HGS: variants seen among roughly 807,000 people sequenced by gnomAD.
HGS encodes the protein hepatocyte growth factor-regulated tyrosine kinase substrate.
HGS carries 63 observed loss-of-function variants against 109.7 expected under a neutral mutation model. The ratio of observed to expected loss-of-function variants is 0.57; its 90% CI spans 0.47 to 0.71. The LOEUF (loss-of-function observed/expected upper bound fraction) is 0.71, where lower values mean the gene tolerates loss of function less well. Among genes scored for constraint, HGS ranks in the 30% least tolerant of loss-of-function variants. HGS has a pLI of 0.00. For missense variants in HGS, 995 were observed against 1,068.3 expected, an observed-to-expected ratio of 0.93 and a Z score of 0.96; for synonymous variants, 546 against 437.3, an observed-to-expected ratio of 1.25 and a Z score of -3.10.
chr17:81,701,123 T>C lies in HGS; in HGVS notation c.2215T>C (p.Tyr739His). The C allele has an allele frequency of 6.2e-7, 1 of 1,613,704 alleles. No individual in the cohort carries two copies. Among genetic ancestry groups the C allele is most frequent in the Admixed American group, 1.7e-5 (1 of 60,028 alleles). Residue 739 changes from tyrosine (Y) to histidine (H), a missense_variant, in exon 21 of 22, where the codon TAC becomes CAC. Physicochemically the swap from Tyr to His is moderately conservative, Grantham distance 83. Transcript: ENST00000329138. ...QPYIAGQQPM[Y>H]QQMAPSGGPP... ...CTACATCGCGGGGCAGCAGCCCATGTACCAGCAGGTGAGCCATTCCCGGGG... is the reference window on the plus strand; with the variant it reads ...CTACATCGCGGGGCAGCAGCCCATGCACCAGCAGGTGAGCCATTCCCGGGG...
intron 19 of HGS, 36 bp downstream of exon 19, chr17:81,700,636 AGCC>A: frequency 7.6e-7 from 1 of 1,318,494 alleles, no homozygotes; most frequent in Non-Finnish European, 1.0e-6. Flanking sequence ...TTCCAGGGCC[AGCC>A]CCAGCCCCAG....
In HGS at chr17:81,690,636, G is replaced by A. The variant is rs373230303; in HGVS notation, c.469-38G>A. On this transcript the variant is annotated intron_variant, in intron 6 of 21. Coordinates refer to ENST00000329138, the MANE Select transcript of HGS (RefSeq NM_004712.5). ...GCTCTGTGCCTCTGGGGCTGGTGGGGCGGGAAGCGTGTGGTCCTGACTGCT... is the reference window on the plus strand; with the variant it reads ...GCTCTGTGCCTCTGGGGCTGGTGGGACGGGAAGCGTGTGGTCCTGACTGCT... 31 of 1,591,934 alleles carry A rather than the reference G, an allele frequency of 1.9e-5. No individual in the cohort carries two copies. The African/African-American group carries it at 4.2e-4, about 21-fold the overall frequency.
chr17:81,696,555 C>CG (rs772401017), intron 16 of HGS, 26 bp downstream of exon 16: 1 of 1,546,536 alleles, frequency 6.5e-7, no homozygotes, highest in African/African-American at 1.4e-5. Context: ...AGCCACAGGC[C>CG]GGGGCCGGCT....
chr17:81,685,079 C>T (rs1163564313), intron 1 of HGS: 11 of 985,116 alleles, frequency 1.1e-5, no homozygotes, highest in South Asian at 4.7e-5. Context: ...GGTATGCTGG[C>T]GAGTCCTCCT....
Position 81,693,772 on chromosome 17 carries a change from G to A in HGS, c.840+20G>A, listed in dbSNP as rs201959685. The A allele has an allele frequency of 5.4e-4, 824 of 1,538,704 alleles. 4 individuals carry two copies. The African/African-American group carries it at 0.01, about 19-fold the overall frequency. ...AGGCTGGTAAGCCGGGTGGGGCGGGGCGGCCTCAGGAGGGGCCCAGCTCCC... is the reference window on the plus strand; with the variant it reads ...AGGCTGGTAAGCCGGGTGGGGCGGGACGGCCTCAGGAGGGGCCCAGCTCCC... On this transcript the variant is annotated intron_variant, in intron 10 of 21. Coordinates refer to ENST00000329138, the MANE Select transcript of HGS (RefSeq NM_004712.5).
intron 20 of HGS, 97 bp from the exon 21 acceptor site, chr17:81,700,948 C>T: frequency 6.6e-7 from 1 of 1,520,782 alleles, no homozygotes; most frequent in South Asian, 1.1e-5. Context: ...TCTCTGGGTG[C>T]TCCCTGTGGT....
chr17:81,700,086 G>A (rs1222887083), intron 18 of HGS, among the ~76,000 whole-genome samples: 2 of 139,972 alleles, frequency 1.4e-5, no homozygotes, highest in African/African-American at 5.4e-5. Context: ...GTAAAACTCG[G>A]CCGGGCGCGG....
Position 81,696,016 on chromosome 17 carries a change from CG to C in HGS, c.1393+21del. The C allele has an allele frequency of 6.5e-7, 1 of 1,532,912 alleles. No individual in the cohort carries two copies. The highest frequency in any genetic ancestry group is 8.8e-7 in the Non-Finnish European group (1 of 1,138,576). The allele number at this position is 1,532,912 out of a possible 1,614,324, so 95.0% of individuals were successfully genotyped here. On this transcript the variant is annotated intron_variant, in intron 15 of 21. Coordinates refer to ENST00000329138, the MANE Select transcript of HGS (RefSeq NM_004712.5). ...AGCGCAGGCGTAGGTGCCCGCGCCACGGGGCCTCGGCTCAGGGGCAGCCAGG... is the reference window on the plus strand; with the variant it reads ...AGCGCAGGCGTAGGTGCCCGCGCCACGGGCCTCGGCTCAGGGGCAGCCAGG...
Position 81,695,173 on chromosome 17 carries a change from C to G in HGS, c.1129C>G (p.Pro377Ala). The G allele has an allele frequency of 6.2e-7, 1 of 1,614,228 alleles. No individual in the cohort carries two copies. The highest frequency in any genetic ancestry group is 1.1e-5 in the South Asian group (1 of 91,090). Residue 377 changes from proline to alanine, a missense_variant, in exon 14 of 22, where the codon CCG becomes GCG. Physicochemically the swap from Pro to Ala is conservative, Grantham distance 27. Transcript: ENST00000329138. ...APTNVVENPL[P>A]ETDSQPIPPS... ...ATTCTCTCTCTTCCAGAACCCCCTCCCGGAGACAGACTCTCAGCCCATTCC... is the reference window on the plus strand; with the variant it reads ...ATTCTCTCTCTTCCAGAACCCCCTCGCGGAGACAGACTCTCAGCCCATTCC...
At chr17:81,692,328 A>C (rs940688153) in intron 8 of HGS, 1 of 152,138 alleles carries the variant, frequency 6.6e-6, no homozygotes, top group African/African-American at 2.4e-5. Flanking sequence ...CATTTCTGGG[A>C]GGTCAGGCCG....
rs1403585904 is a variant in HGS, at chr17:81,701,742, G to A, written c.*124G>A. On this transcript the variant is annotated 3_prime_UTR_variant, in exon 22 of 22. Coordinates refer to ENST00000329138, the MANE Select transcript of HGS (RefSeq NM_004712.5). ...GGTAGTGTCCCTTCTCTGCGAGTGAGGGGGGGCCTTCACCCCAAGCCCACC... is the reference window on the plus strand; with the variant it reads ...GGTAGTGTCCCTTCTCTGCGAGTGAAGGGGGGCCTTCACCCCAAGCCCACC... 4 of 1,359,900 alleles carry A rather than the reference G, an allele frequency of 2.9e-6. No individual in the cohort carries two copies. The highest frequency in any genetic ancestry group is 3.9e-6 in the Non-Finnish European group (4 of 1,025,870). 84.2% of individuals were successfully genotyped at this position (1,359,900 alleles called of 1,614,324 possible). A position where few individuals can be genotyped will look rare whatever the true frequency, so the allele number is the denominator to read the frequency against.
At chr17:81,692,376 C>T (rs569787814) in intron 8 of HGS, 1 of 152,322 alleles carries the variant, frequency 6.6e-6, no homozygotes, top group Admixed American at 6.5e-5. Context: ...GAGGCTCCCA[C>T]CTGCTTAGGT....
chr17:81,697,349 G>GCCCCCCCCCCCCCCC (rs59387473), intron 18 of HGS: 1 of 61,802 alleles, frequency 1.6e-5, no homozygotes, highest in African/African-American at 7.6e-5. Context: ...CGTGGCATTT[G>GCCCCCCCCCCCCCCC]CCCCCCCCCC....
chr17:81,688,585 C>T (rs2037017808), intron 4 of HGS, 119 bp from the exon 5 acceptor site: 6 of 1,318,142 alleles, frequency 4.6e-6, no homozygotes, highest in African/African-American at 1.5e-5. Context: ...GGGGCCCTCC[C>T]TGGCCTCTGT....
At chr17:81,695,613 G>C in intron 14 of HGS, 173 bp from the exon 15 acceptor site, 1 of 643,470 alleles carries the variant, frequency 1.6e-6, no homozygotes, top group South Asian at 1.9e-5. Flanking sequence ...AGCTGGACAA[G>C]GACCCCGCCT....
rs369594913 is a variant in HGS at position 81,701,144 on chromosome 17, C to T, written c.2223+13C>T. On this transcript the variant is annotated intron_variant, in intron 21 of 21. Coordinates refer to ENST00000329138, the MANE Select transcript of HGS (RefSeq NM_004712.5). ...CATGTACCAGCAGGTGAGCCATTCC[C>T]GGGGCCTCACAGCGGCACCCGCAGG... 3.5e-5 allele frequency: 56 copies of T among 1,610,626 alleles called. No homozygotes were observed. Among genetic ancestry groups the T allele is most frequent in the African/African-American group, 2.3e-4 (17 of 74,848 alleles).
Position 81,700,681 on chromosome 17 carries a change from C to T in HGS, c.2017-14C>T, listed in dbSNP as rs1216807773. ...CCCCAGCCCCTTCTCCCATGGCACTCATTCCCTCCGCAGAACGTGGCCTCC... is the reference window on the plus strand; with the variant it reads ...CCCCAGCCCCTTCTCCCATGGCACTTATTCCCTCCGCAGAACGTGGCCTCC... On this transcript the variant is annotated splice_polypyrimidine_tract_variant and intron_variant, in intron 19 of 21. Coordinates refer to ENST00000329138, the MANE Select transcript of HGS (RefSeq NM_004712.5). 5 of 1,601,954 alleles carry T rather than the reference C, an allele frequency of 3.1e-6. No homozygotes were observed. The highest frequency in any genetic ancestry group is 4.3e-6 in the Non-Finnish European group (5 of 1,173,174).
chr17:81,689,662 C>T (rs2037034653), intron 5 of HGS, among the ~76,000 whole-genome samples: 1 of 152,162 alleles, frequency 6.6e-6, no homozygotes, highest in Non-Finnish European at 1.5e-5. Context: ...TGCCCTGTGG[C>T]TGCAGGGTGG....
chr17:81,697,312 G>T, intron 18 of HGS: 1 of 226,304 alleles, frequency 4.4e-6, no homozygotes, highest in African/African-American at 2.4e-5. Flanking sequence ...TCCCAGTGGT[G>T]TCCTGTAAAC....
Sources: allele counts gnomAD v4.1 joint callset (sites outside exome capture counted in the v4.1 genomes callset), GRCh38; gene constraint gnomAD v4.1.1; transcripts MANE v1.5; gene names NCBI Gene and HGNC (gene_info 2026-07-23, HGNC 2026-07-21).